Variants in VCF1 observed in about 807,000 individuals in gnomAD.
The protein encoded by VCF1 is protein VCF1.
the VCF1 span, among the ~76,000 whole-genome samples, chr17:73,215,112 ATCTC>A: frequency 2.2e-4 from 34 of 152,312 alleles, 1 homozygote; most frequent in Middle Eastern, 0.01. Context: ...CTGGCCAAGA[ATCTC>A]TCTCAACAAT....
At chr17:73,215,564 G>A in the VCF1 span, among the ~76,000 whole-genome samples, 3 of 152,174 alleles carry the variant, frequency 2.0e-5, no homozygotes, top group African/African-American at 4.8e-5. Flanking sequence ...GTAAGCCACT[G>A]CACCTGGCCA....
chr17:73,213,515 A>G, the VCF1 span, among the ~76,000 whole-genome samples: 1 of 152,216 alleles, frequency 6.6e-6, no homozygotes, highest in South Asian at 2.1e-4. Flanking sequence ...AAGTGTATTC[A>G]TACATATATT....
the VCF1 span, among the ~76,000 whole-genome samples, chr17:73,223,012 G>T: frequency 2.0e-5 from 3 of 151,892 alleles, no homozygotes; most frequent in Non-Finnish European, 4.4e-5. Flanking sequence ...CTGAGAAGTG[G>T]AGATAATAAT....
At chr17:73,224,671 A>G in the VCF1 span, among the ~76,000 whole-genome samples, 1 of 152,224 alleles carries the variant, frequency 6.6e-6, no homozygotes, top group Non-Finnish European at 1.5e-5. Flanking sequence ...GCTGCTACAA[A>G]CATAATCATT....
chr17:73,212,532 G>T, the VCF1 span: 1 of 543,104 alleles, frequency 1.8e-6, no homozygotes, highest in Non-Finnish European at 3.2e-6. Context: ...TATTTACTTA[G>T]AGGCTTAAGA....
chr17:73,229,343 T>C, the VCF1 span: 1 of 985,348 alleles, frequency 1.0e-6, no homozygotes, highest in Admixed American at 6.1e-5. Flanking sequence ...TTCATGCTCA[T>C]CCCTATCAGT....
the VCF1 span, chr17:73,212,586 C>T: frequency 9.7e-7 from 1 of 1,030,412 alleles, no homozygotes; most frequent in East Asian, 2.8e-5. Flanking sequence ...AAGGCGTCTC[C>T]TAACCTAGTA....
chr17:73,225,897 A>G, the VCF1 span, among the ~76,000 whole-genome samples: 1 of 72,416 alleles, frequency 1.4e-5, no homozygotes, highest in African/African-American at 5.6e-5. Flanking sequence ...ATATATATAT[A>G]TATTTTTTTT....
At chr17:73,214,578 T>G in the VCF1 span, among the ~76,000 whole-genome samples, 1 of 152,222 alleles carries the variant, frequency 6.6e-6, no homozygotes, top group Admixed American at 6.5e-5. Context: ...GAAGTCTGTA[T>G]TAGTGCCTTA....
chr17:73,229,418 C>A, the VCF1 span: 6 of 985,438 alleles, frequency 6.1e-6, no homozygotes, highest in South Asian at 2.8e-4. Flanking sequence ...TTAGCAGGCA[C>A]CCCTATAACT....
the VCF1 span, among the ~76,000 whole-genome samples, chr17:73,229,867 CAAAAAAAAAAAA>C: frequency 1.5e-3 from 34 of 22,622 alleles, no homozygotes; most frequent in African/African-American, 3.2e-3. Context: ...GACTCCATCT[CAAAAAAAAAAAA>C]AAAAAAAAAA....
At chr17:73,219,746 G>A in the VCF1 span, among the ~76,000 whole-genome samples, 1 of 152,164 alleles carries the variant, frequency 6.6e-6, no homozygotes, top group Non-Finnish European at 1.5e-5. Flanking sequence ...GCCGAGGCAG[G>A]TGGATCACGT....
the VCF1 span, chr17:73,207,922 G>A: frequency 8.4e-7 from 1 of 1,186,496 alleles, no homozygotes; most frequent in Non-Finnish European, 1.1e-6. Context: ...TAAAAGTTGG[G>A]AGATGGTAGT....
chr17:73,208,404 G>A, the VCF1 span: 1 of 1,614,074 alleles, frequency 6.2e-7, no homozygotes, highest in South Asian at 1.1e-5. Flanking sequence ...CAACACGTCT[G>A]CACCTTCATT....
chr17:73,219,172 C>G, the VCF1 span, among the ~76,000 whole-genome samples: 1 of 39,392 alleles, frequency 2.5e-5, no homozygotes, highest in Middle Eastern at 0.025. Context: ...GCCTGGGCAA[C>G]AAGAGAAAAA....
At chr17:73,220,222 T>A in the VCF1 span, among the ~76,000 whole-genome samples, 1 of 152,280 alleles carries the variant, frequency 6.6e-6, no homozygotes, top group Admixed American at 6.5e-5. Context: ...CATTATTTTT[T>A]AAAAAATCAC....
the VCF1 span, among the ~76,000 whole-genome samples, chr17:73,225,103 A>G: frequency 8.2e-6 from 1 of 121,930 alleles, no homozygotes; most frequent in Non-Finnish European, 1.8e-5. Flanking sequence ...TGGTTGTAAC[A>G]CCCCATTAGG....
At chr17:73,215,923 A>G in the VCF1 span, among the ~76,000 whole-genome samples, 10,075 of 152,066 alleles carry the variant, frequency 0.066, 414 homozygotes, top group Non-Finnish European at 0.086. Flanking sequence ...GGGTATGACC[A>G]ATGGGAACAA....
At chr17:73,224,017 G>A in the VCF1 span, among the ~76,000 whole-genome samples, 2 of 148,554 alleles carry the variant, frequency 1.3e-5, no homozygotes, top group Non-Finnish European at 3.0e-5. Context: ...AAGGAGGGAG[G>A]GAAGAAGGGA....
Sources: gnomAD v4.1 joint callset for allele counts (sites outside exome capture counted in the v4.1 genomes callset) on GRCh38, gnomAD v4.1.1 for gene constraint, MANE v1.5 for transcripts, NCBI Gene and HGNC (gene_info 2026-07-23, HGNC 2026-07-21) for gene names.